STAB1: variants seen among roughly 807,000 people sequenced by gnomAD.
The protein encoded by STAB1 is stabilin-1.
STAB1 carries 250 observed loss-of-function variants against 332.4 expected under a neutral mutation model. The ratio of observed to expected loss-of-function variants is 0.75; its 90% CI spans 0.68 to 0.84. The LOEUF (loss-of-function observed/expected upper bound fraction) is 0.84. Ranked by LOEUF, STAB1 falls within the 40% of genes least tolerant of loss-of-function variation. The pLI, the probability that STAB1 is intolerant of heterozygous loss-of-function variation, is 0.00. For missense variants in STAB1, 3,249 were observed against 3,489.7 expected, an observed-to-expected ratio of 0.93 and a Z score of 1.74; for synonymous variants, 1,475 against 1,390.4, an observed-to-expected ratio of 1.06 and a Z score of -1.35.
intron 36 of STAB1, among the ~76,000 whole-genome samples, 177 bp from the exon 37 acceptor site, chr3:52,515,246 G>A (rs899012924): frequency 1.3e-5 from 2 of 152,132 alleles, no homozygotes; most frequent in East Asian, 1.9e-4. Context: ...CTTGCGGCCC[G>A]AGGCTTGGAT....
In STAB1 at chr3:52,521,423, G is replaced by A; in HGVS notation, c.5971G>A (p.Gly1991Ser). ...DRGVCMDGMS[G>S]SGQCLCRSGF... ...TGGCGTGTGCATGGACGGCATGAGT[G>A]GCAGTGGGCAGTGTCTGTGCCGTTC... The change falls in exon 56 of 69, where the codon GGC becomes AGC. Residue 1991 changes from glycine (G) to serine (S), a missense_variant. Gly to Ser is a moderately conservative substitution (Grantham distance 56). Coordinates refer to ENST00000321725, the MANE Select transcript of STAB1 (RefSeq NM_015136.3). 5.0e-6 allele frequency: 8 copies of A among 1,614,054 alleles called. No homozygotes were observed. The highest frequency in any genetic ancestry group is 6.8e-6 in the Non-Finnish European group (8 of 1,180,030).
At chr3:52,519,814 T>G in intron 50 of STAB1, 130 bp from the exon 51 acceptor site, 1 of 1,274,464 alleles carries the variant, frequency 7.8e-7, no homozygotes, top group South Asian at 1.5e-5. Flanking sequence ...CACACATGCC[T>G]GCCTGGGATG....
At chr3:52,508,400 A>G in intron 21 of STAB1, 41 bp downstream of exon 21, 1 of 1,602,310 alleles carries the variant, frequency 6.2e-7, no homozygotes, top group Non-Finnish European at 8.5e-7. Context: ...TGGGGAACAC[A>G]AGGACTCCTT....
At chr3:52,505,430 A>G (rs1219794874) in intron 14 of STAB1, 49 bp downstream of exon 14, 3 of 1,572,276 alleles carry the variant, frequency 1.9e-6, no homozygotes, top group African/African-American at 2.7e-5. Context: ...TGGGCTTCTG[A>G]GCCAGGACTC....
chr3:52,514,622 C>T, intron 34 of STAB1, 79 bp from the exon 35 acceptor site: 1 of 1,600,228 alleles, frequency 6.2e-7, no homozygotes, highest in Admixed American at 1.7e-5. Flanking sequence ...CCCCCCGGCC[C>T]TGGAGTACTG....
intron 45 of STAB1, 47 bp downstream of exon 45, chr3:52,518,050 C>G: frequency 1.3e-6 from 2 of 1,565,586 alleles, no homozygotes; most frequent in Non-Finnish European, 1.7e-6. Flanking sequence ...GGCTGTGCCC[C>G]ATGGGCCTGA....
rs759074503 is a variant in STAB1, at chr3:52,522,052, A to G, written c.6287A>G (p.Gln2096Arg). 1 of 1,613,262 alleles carries G rather than the reference A, an allele frequency of 6.2e-7. No individual in the cohort carries two copies. The highest frequency in any genetic ancestry group is 1.7e-5 in the Admixed American group (1 of 59,996). ...GRVCTVADLC[Q>R]DGHGGCSEHA... is the part of the protein sequence containing the mutation. ...CTGCCCTCAGTGGCAGACCTGTGCCAGGACGGGCATGGTGGCTGCAGTGAG... is the reference window on the plus strand; with the variant it reads ...CTGCCCTCAGTGGCAGACCTGTGCCGGGACGGGCATGGTGGCTGCAGTGAG... Residue 2096 changes from glutamine (Q) to arginine (R), a missense_variant, in exon 59 of 69, where the codon CAG becomes CGG. By Grantham distance (43) the Gln-to-Arg change is conservative (BLOSUM62 1). Transcript: ENST00000321725.
intron 25 of STAB1, 135 bp from the exon 26 acceptor site, chr3:52,511,515 G>C (rs1320484105): frequency 1.5e-6 from 1 of 662,670 alleles, no homozygotes; most frequent in East Asian, 3.0e-5. Context: ...ATCTCTGAGA[G>C]GAGGGCTGGG....
intron 54 of STAB1, 38 bp from the exon 55 acceptor site, chr3:52,520,766 C>T (rs1277729835): frequency 1.2e-6 from 2 of 1,612,702 alleles, no homozygotes; most frequent in Non-Finnish European, 8.5e-7. Flanking sequence ...CCACCAAACT[C>T]AGAACCACCC....
At chr3:52,512,226 C>A in intron 26 of STAB1, 115 bp from the exon 27 acceptor site, 1 of 975,858 alleles carries the variant, frequency 1.0e-6, no homozygotes, top group Non-Finnish European at 1.6e-6. Context: ...TGGGTGGCTG[C>A]AGAGCAAGGG....
intron 57 of STAB1, 35 bp downstream of exon 57, chr3:52,521,735 C>G (rs371525314): frequency 1.6e-5 from 25 of 1,610,098 alleles, no homozygotes; most frequent in Non-Finnish European, 2.0e-5. Flanking sequence ...ACCCTACACA[C>G]TTGTGTACAT....
intron 2 of STAB1, 48 bp from the exon 3 acceptor site, chr3:52,501,590 C>T: frequency 6.7e-7 from 1 of 1,492,844 alleles, no homozygotes; most frequent in Non-Finnish European, 9.1e-7. Flanking sequence ...TGGGTGGGGG[C>T]TGTGCAAGGG....
At chr3:52,499,594 G>A (rs900763366) in intron 1 of STAB1, among the ~76,000 whole-genome samples, 51 of 152,320 alleles carry the variant, frequency 3.3e-4, no homozygotes, top group Non-Finnish European at 5.3e-4. Context: ...AGCAGCCAGA[G>A]GGCCAATTTA....
intron 6 of STAB1, 39 bp downstream of exon 6, chr3:52,502,766 C>T: frequency 6.3e-7 from 1 of 1,592,364 alleles, no homozygotes; most frequent in East Asian, 2.3e-5. Flanking sequence ...GCAGCAGGTC[C>T]CTGTGGCCAG....
Position 52,503,401 on chromosome 3 carries a change from C to G in STAB1, c.752C>G (p.Pro251Arg). 6.2e-7 allele frequency: 1 copy of G among 1,613,632 alleles called. No individual in the cohort carries two copies. The change falls in exon 8 of 69, where the codon CCC (proline) becomes CGC (arginine). Residue 251 changes from proline (P) to arginine (R), a missense_variant. Transcript: ENST00000321725. ...CTGCTGGCCCAGTGCTCGGTGAGCC[C>G]CAAGGGGCAGGCTCAGTGTCACTGC... is the stretch of plus-strand genomic sequence containing the variant. Reference protein sequence around the residue: ...CSLLAQCSVSPKGQAQCHCPE... With the variant: ...CSLLAQCSVSRKGQAQCHCPE...
Position 52,515,018 on chromosome 3 carries a change from C to T in STAB1, c.3837C>T (p.Phe1279=). Reference sequence around the variant, plus strand: ...AATGTGTAAACTGCACCAGGAGATTCCGCTGCACTCAGGGCTTCCAGCTGC... The same window carrying T: ...AATGTGTAAACTGCACCAGGAGATTTCGCTGCACTCAGGGCTTCCAGCTGC... ...REKCVNCTRR[F]RCTQGFQLQD... is the part of the protein sequence containing the mutation. Residue 1279 remains phenylalanine, a synonymous_variant, in exon 36 of 69, where the codon TTC becomes TTT. Transcript: ENST00000321725. 1.2e-6 allele frequency: 2 copies of T among 1,613,568 alleles called. No homozygotes were observed. Among genetic ancestry groups the T allele is most frequent in the South Asian group, 2.2e-5 (2 of 91,086 alleles).
In STAB1 at chr3:52,517,129, C is replaced by G. The variant is rs749438955; in HGVS notation, c.4489+20C>G. On this transcript the variant is annotated intron_variant, in intron 42 of 68. Transcript: ENST00000321725. ...GCCAGGGTGAGACTAGGCCCCTAAC[C>G]TGGGTTTATGTTGGGCTAGGGGTCT... The G allele has an allele frequency of 1.3e-6, 2 of 1,524,760 alleles. No homozygotes were observed. The highest frequency in any genetic ancestry group is 1.3e-5 in the South Asian group (1 of 76,376). The allele number at this position is 1,524,760 out of a possible 1,614,324, so 94.5% of individuals were successfully genotyped here. A position where few individuals can be genotyped will look rare whatever the true frequency, so the allele number is the denominator to read the frequency against.
rs1709516533 is a variant in STAB1, at chr3:52,514,352, CCTT to C, written c.3547-10_3547-8del. On this transcript the variant is annotated splice_polypyrimidine_tract_variant and intron_variant, in intron 33 of 68. Coordinates refer to ENST00000321725, the MANE Select transcript of STAB1 (RefSeq NM_015136.3). ...TATCCTGCAGTCCCCTGGGTTCTCTCCTTCTCTTCCAGGACGCAGACACAGTGC... is the reference window on the plus strand; with the variant it reads ...TATCCTGCAGTCCCCTGGGTTCTCTCCTCTTCCAGGACGCAGACACAGTGC... 6.5e-7 allele frequency: 1 copy of C among 1,544,864 alleles called. No homozygotes were observed. The highest frequency in any genetic ancestry group is 8.7e-7 in the Non-Finnish European group (1 of 1,142,978).
At chr3:52,506,985 C>A in intron 18 of STAB1, 135 bp downstream of exon 18, 1 of 1,210,306 alleles carries the variant, frequency 8.3e-7, no homozygotes, top group Middle Eastern at 2.0e-4. Context: ...GGCAGACTCC[C>A]AAGGACCCAC....
Sources: gnomAD v4.1 joint callset for allele counts (sites outside exome capture counted in the v4.1 genomes callset) on GRCh38, gnomAD v4.1.1 for gene constraint, MANE v1.5 for transcripts, NCBI Gene and HGNC (gene_info 2026-07-23, HGNC 2026-07-21) for gene names.